Variants in TSHZ2 observed in about 807,000 individuals in gnomAD.
TSHZ2 encodes teashirt zinc finger homeobox 2.
A neutral mutation model predicts 74.4 loss-of-function variants in TSHZ2; 21 were observed. The ratio of observed to expected loss-of-function variants is 0.28; its 90% CI spans 0.20 to 0.41. The LOEUF is 0.41. Ranked by LOEUF, TSHZ2 falls within the 10% of genes least tolerant of loss-of-function variation. The pLI, the probability that TSHZ2 is intolerant of heterozygous loss-of-function variation, is 1.00. For missense variants in TSHZ2, 1,244 were observed against 1,293.5 expected (o/e 0.96, Z 0.59); for synonymous variants, 540 against 515.3 (o/e 1.05, Z -0.65).
chr20:53,050,130 T>TATATATATATATATAC (rs1555819319), intron 1 of TSHZ2, among the ~76,000 whole-genome samples: 27 of 88,308 alleles, frequency 3.1e-4, no homozygotes, highest in African/African-American at 1.7e-3. Flanking sequence ...TATATACACA[T>TATATATATATATATAC]ATATATATGT....
intron 1 of TSHZ2, among the ~76,000 whole-genome samples, chr20:53,060,223 G>C (rs1416405283): frequency 6.6e-6 from 1 of 152,090 alleles, no homozygotes; most frequent in East Asian, 1.9e-4. Context: ...CTACCTCACT[G>C]AATTTTATGA....
intron 2 of TSHZ2, among the ~76,000 whole-genome samples, chr20:53,374,219 CTT>C: frequency 6.6e-6 from 1 of 152,322 alleles, no homozygotes; most frequent in Non-Finnish European, 1.5e-5. Context: ...CCAGCTCCTA[CTT>C]ATGTATGAGA....
At chr20:53,337,157 T>C (rs1178667416) in intron 2 of TSHZ2, among the ~76,000 whole-genome samples, 1 of 152,234 alleles carries the variant, frequency 6.6e-6, no homozygotes, top group Non-Finnish European at 1.5e-5. Flanking sequence ...ACAGGCAGAA[T>C]GTCTTCCTCA....
chr20:53,311,492 G>T (rs1188521130), intron 2 of TSHZ2, among the ~76,000 whole-genome samples: 1 of 152,218 alleles, frequency 6.6e-6, no homozygotes, highest in Non-Finnish European at 1.5e-5. Context: ...GGTTTGTTTG[G>T]TTGGTGAGAG....
intron 2 of TSHZ2, among the ~76,000 whole-genome samples, chr20:53,424,941 A>G (rs926761823): frequency 6.6e-6 from 1 of 152,180 alleles, no homozygotes; most frequent in Admixed American, 6.5e-5. Flanking sequence ...TATATATACC[A>G]CATTTTCTTT....
intron 1 of TSHZ2, among the ~76,000 whole-genome samples, chr20:53,236,307 C>A (rs1056816006): frequency 1.3e-5 from 2 of 152,324 alleles, no homozygotes; most frequent in African/African-American, 4.8e-5. Context: ...TCTAACCCAA[C>A]CAGTAGGTTT....
chr20:53,193,588 T>C (rs1988793121), intron 1 of TSHZ2, among the ~76,000 whole-genome samples: 1 of 152,192 alleles, frequency 6.6e-6, no homozygotes, highest in Non-Finnish European at 1.5e-5. Context: ...ACCAAGAAGG[T>C]GCCTAGAACA....
At chr20:52,992,560 G>A (rs1357677373) in intron 1 of TSHZ2, among the ~76,000 whole-genome samples, 1 of 152,212 alleles carries the variant, frequency 6.6e-6, no homozygotes, top group South Asian at 2.1e-4. Flanking sequence ...CAGCCCTTCT[G>A]TTTACTGTCA....
chr20:53,479,238 G>A (rs988786773), intron 2 of TSHZ2, among the ~76,000 whole-genome samples: 1 of 151,094 alleles, frequency 6.6e-6, no homozygotes, highest in Admixed American at 6.6e-5. Flanking sequence ...TCTCAAACTC[G>A]AGCATGTACA....
intron 1 of TSHZ2, among the ~76,000 whole-genome samples, chr20:53,219,253 C>T (rs893644373): frequency 6.6e-6 from 1 of 152,188 alleles, no homozygotes; most frequent in Non-Finnish European, 1.5e-5. Flanking sequence ...CTATGGCCCA[C>T]CCCTGGCTTT....
At chr20:53,175,249 G>T (rs1272498652) in intron 1 of TSHZ2, among the ~76,000 whole-genome samples, 3 of 141,014 alleles carry the variant, frequency 2.1e-5, no homozygotes, top group Admixed American at 1.5e-4. Flanking sequence ...TAAAGCAATT[G>T]CCTGCCTCAG....
intron 1 of TSHZ2, among the ~76,000 whole-genome samples, chr20:52,980,425 AAG>A (rs950695371): frequency 3.4e-5 from 5 of 149,126 alleles, no homozygotes; most frequent in African/African-American, 1.3e-4. Context: ...GGTGGGTTTG[AAG>A]AAAAAAAAAA....
intron 1 of TSHZ2, among the ~76,000 whole-genome samples, chr20:53,032,282 T>C (rs1020046827): frequency 6.6e-6 from 1 of 152,254 alleles, no homozygotes; most frequent in Non-Finnish European, 1.5e-5. Context: ...TAGCCAGTCA[T>C]GCAGGACGAT....
intron 2 of TSHZ2, among the ~76,000 whole-genome samples, chr20:53,436,295 TA>T (rs1298661038): frequency 6.6e-6 from 1 of 152,060 alleles, no homozygotes; most frequent in Non-Finnish European, 1.5e-5. Flanking sequence ...CGATGAAAGG[TA>T]ATGTGCCTTC....
At chr20:53,118,200 T>C (rs1455442371) in intron 1 of TSHZ2, among the ~76,000 whole-genome samples, 1 of 152,162 alleles carries the variant, frequency 6.6e-6, no homozygotes, top group Non-Finnish European at 1.5e-5. Context: ...TACGAAGCAG[T>C]GTATGATAGT....
intron 1 of TSHZ2, among the ~76,000 whole-genome samples, chr20:52,981,965 T>C (rs139360812): frequency 7.4e-4 from 113 of 152,274 alleles, no homozygotes; most frequent in South Asian, 4.3e-3. Context: ...TGCCCTCCAA[T>C]TGGGGGAAGC....
At chr20:53,104,327 G>A (rs778680057) in intron 1 of TSHZ2, among the ~76,000 whole-genome samples, 5 of 152,160 alleles carry the variant, frequency 3.3e-5, no homozygotes, top group Non-Finnish European at 7.3e-5. Context: ...AGGAGGAGTG[G>A]CGAAAGAGAG....
At chr20:53,229,002 T>G (rs930252474) in intron 1 of TSHZ2, among the ~76,000 whole-genome samples, 3 of 152,170 alleles carry the variant, frequency 2.0e-5, no homozygotes, top group Non-Finnish European at 4.4e-5. Context: ...TCTAGAATGA[T>G]TTTGACCCAT....
At chr20:53,483,430 G>C (rs371156453) in intron 2 of TSHZ2, among the ~76,000 whole-genome samples, 2 of 152,162 alleles carry the variant, frequency 1.3e-5, no homozygotes, top group South Asian at 2.1e-4. Context: ...AGGATGGATT[G>C]AGCCCAGGAG....
Sources: allele counts gnomAD v4.1 joint callset (sites outside exome capture counted in the v4.1 genomes callset), GRCh38; gene constraint gnomAD v4.1.1; transcripts MANE v1.5; gene names NCBI Gene and HGNC (gene_info 2026-07-23, HGNC 2026-07-21).